Variants in DDAH1 observed in about 807,000 individuals in gnomAD.
DDAH1 encodes the protein N(G),N(G)-dimethylarginine dimethylaminohydrolase 1.
Under a neutral mutation model 28.8 loss-of-function variants are expected in DDAH1, and 19 were observed. That is an observed-to-expected ratio of 0.66 (90% confidence interval 0.46 to 0.97). DDAH1 has a LOEUF of 0.97. DDAH1 is among the 50% of genes least tolerant of loss of function. DDAH1 has a pLI of 0.00. For synonymous variants in DDAH1, 153 were observed against 154.4 expected, an observed-to-expected ratio of 0.99 and a Z score of 0.07; for missense variants, 326 against 375.9, an observed-to-expected ratio of 0.87 and a Z score of 1.10.
intron 1 of DDAH1, among the ~76,000 whole-genome samples, chr1:85,438,238 T>C (rs561763621): frequency 3.3e-5 from 5 of 152,250 alleles, no homozygotes; most frequent in Non-Finnish European, 7.4e-5. Flanking sequence ...GCTCAGTACC[T>C]GGGTGATGAA....
chr1:85,483,327 C>T (rs548349597), intron 2 of DDAH1, among the ~76,000 whole-genome samples: 96 of 151,834 alleles, frequency 6.3e-4, no homozygotes, highest in African/African-American at 2.2e-3. Flanking sequence ...CAGAAAAGAA[C>T]CAGAGAGGAT....
At chr1:85,361,171 T>C (rs1009367418) in intron 1 of DDAH1, among the ~76,000 whole-genome samples, 3 of 152,226 alleles carry the variant, frequency 2.0e-5, no homozygotes, top group South Asian at 4.1e-4. Flanking sequence ...ACTCTTGGCA[T>C]TGAGGTTCCG....
chr1:85,504,032 T>C (rs903003944), intron 1 of DDAH1, among the ~76,000 whole-genome samples: 1 of 152,080 alleles, frequency 6.6e-6, no homozygotes, highest in Non-Finnish European at 1.5e-5. Context: ...GATTGGAAGG[T>C]TTCAAACAGA....
At chr1:85,365,592 C>T (rs907988630) in intron 1 of DDAH1, among the ~76,000 whole-genome samples, 1 of 152,070 alleles carries the variant, frequency 6.6e-6, no homozygotes, top group African/African-American at 2.4e-5. Flanking sequence ...AGTGAGGTTA[C>T]CAAAGCATAT....
At chr1:85,342,162 G>A (rs2100823477) in intron 4 of DDAH1, among the ~76,000 whole-genome samples, 1 of 152,286 alleles carries the variant, frequency 6.6e-6, no homozygotes, top group African/African-American at 2.4e-5. Flanking sequence ...GGCAGAGCAA[G>A]AATGACAATC....
chr1:85,465,332 G>A (rs192299809), upstream of DDAH1: 10,801 of 510,332 alleles, frequency 0.021, 154 homozygotes, highest in Non-Finnish European at 0.024. Context: ...GTGGGGCCAG[G>A]AGAGGCGGCC....
chr1:85,536,678 T>C (rs1194451881), intron 1 of DDAH1, among the ~76,000 whole-genome samples: 1 of 152,022 alleles, frequency 6.6e-6, no homozygotes, highest in Non-Finnish European at 1.5e-5. Context: ...TTGGTAAGGA[T>C]GTGGAGAAAA....
At chr1:85,534,931 T>A (rs1385179506) in intron 1 of DDAH1, among the ~76,000 whole-genome samples, 6 of 152,272 alleles carry the variant, frequency 3.9e-5, no homozygotes, top group African/African-American at 1.2e-4. Context: ...TTGAACTTTG[T>A]TGTGTATACA....
intron 5 of DDAH1, among the ~76,000 whole-genome samples, chr1:85,324,378 TA>T (rs1216951052): frequency 6.6e-6 from 1 of 152,048 alleles, no homozygotes; most frequent in Non-Finnish European, 1.5e-5. Context: ...AAAACAGCGA[TA>T]CCGTTGACCA....
At chr1:85,354,562 A>G (rs777317521) in intron 2 of DDAH1, among the ~76,000 whole-genome samples, 3 of 152,176 alleles carry the variant, frequency 2.0e-5, no homozygotes, top group African/African-American at 2.4e-5. Flanking sequence ...TGAAATTCAT[A>G]AAGGAAAGAA....
chr1:85,570,959 G>A (rs1165204831), intron 1 of DDAH1, among the ~76,000 whole-genome samples: 2 of 152,162 alleles, frequency 1.3e-5, no homozygotes, highest in Admixed American at 6.5e-5. Flanking sequence ...CAGAAATGTA[G>A]AAAGAGGACG....
At chr1:85,540,525 C>T (rs17099678) in intron 1 of DDAH1, among the ~76,000 whole-genome samples, 7,929 of 152,240 alleles carry the variant, frequency 0.052, 323 homozygotes, top group African/African-American at 0.12. Context: ...GTTACGTATA[C>T]GCTTTCTCTC....
upstream of DDAH1, chr1:85,465,209 G>A (rs1655323025): frequency 2.7e-6 from 3 of 1,124,930 alleles, no homozygotes; most frequent in Non-Finnish European, 1.1e-6. Flanking sequence ...GCGCGACTGA[G>A]CATGCCCAGA....
intron 1 of DDAH1, among the ~76,000 whole-genome samples, chr1:85,541,864 G>A (rs1199027635): frequency 6.6e-6 from 1 of 152,158 alleles, no homozygotes; most frequent in African/African-American, 2.4e-5. Flanking sequence ...TATGAACCAG[G>A]AAGCAGGGTA....
At chr1:85,459,642 AATT>A (rs1655044090) in intron 1 of DDAH1, among the ~76,000 whole-genome samples, 2 of 152,208 alleles carry the variant, frequency 1.3e-5, no homozygotes, top group African/African-American at 4.8e-5. Context: ...AATAATTTCT[AATT>A]ATGGTTTGGG....
At chr1:85,346,820 G>A (rs1462096672) in intron 4 of DDAH1, among the ~76,000 whole-genome samples, 2 of 152,108 alleles carry the variant, frequency 1.3e-5, no homozygotes, top group Admixed American at 6.6e-5. Flanking sequence ...TCATCGGAGT[G>A]AACAGGCAAC....
At chr1:85,393,397 C>A (rs756002146) in intron 1 of DDAH1, among the ~76,000 whole-genome samples, 1 of 152,182 alleles carries the variant, frequency 6.6e-6, no homozygotes, top group Admixed American at 6.5e-5. Context: ...AAAATGCCTT[C>A]TTTGTCCTAT....
intron 2 of DDAH1, among the ~76,000 whole-genome samples, chr1:85,490,373 C>T (rs1445596623): frequency 6.6e-6 from 1 of 152,184 alleles, no homozygotes; most frequent in African/African-American, 2.4e-5. Flanking sequence ...ACTGACTCTT[C>T]ACCCAGTCAC....
At chr1:85,404,883 T>C (rs1303869626) in intron 1 of DDAH1, among the ~76,000 whole-genome samples, 5 of 152,244 alleles carry the variant, frequency 3.3e-5, no homozygotes, top group Admixed American at 2.6e-4. Flanking sequence ...GGACTTTCTT[T>C]GAGGGAACGC....
Sources: allele counts gnomAD v4.1 joint callset (sites outside exome capture counted in the v4.1 genomes callset), GRCh38; gene constraint gnomAD v4.1.1; transcripts MANE v1.5; gene names NCBI Gene and HGNC (gene_info 2026-07-23, HGNC 2026-07-21).